The following ZNF438 variants were observed in gnomAD, a reference collection of about 807,000 sequenced individuals.
The protein encoded by ZNF438 is zinc finger protein 438.
In ZNF438, 25 loss-of-function variants were observed where a neutral mutation model predicts 38.0. The ratio of observed to expected loss-of-function variants is 0.66; its 90% CI spans 0.48 to 0.92. The LOEUF (loss-of-function observed/expected upper bound fraction) is 0.92. Ranked by LOEUF, ZNF438 falls within the 40% of genes least tolerant of loss-of-function variation. The probability of loss-of-function intolerance (pLI) is 0.00; values close to 1 mark genes in which losing one functional copy is unlikely to be tolerated. For synonymous variants in ZNF438, 372 were observed against 364.1 expected (o/e 1.02, Z -0.25); for missense variants, 1,007 against 999.6 (o/e 1.01, Z -0.10).
chr10:30,997,872 C>G (rs1016152818), intron 1 of ZNF438, among the ~76,000 whole-genome samples: 9 of 152,122 alleles, frequency 5.9e-5, no homozygotes, highest in Admixed American at 5.9e-4. Flanking sequence ...AGTCTGAAGA[C>G]AAAAGCCAAC....
At chr10:30,945,902 C>T (rs1202228955) in intron 1 of ZNF438, among the ~76,000 whole-genome samples, 2 of 111,804 alleles carry the variant, frequency 1.8e-5, no homozygotes, top group Non-Finnish European at 3.6e-5. Flanking sequence ...ATTTATAGTC[C>T]TTTGGGTATA....
At chr10:30,949,460 T>C (rs1468719993) in intron 1 of ZNF438, among the ~76,000 whole-genome samples, 1 of 152,200 alleles carries the variant, frequency 6.6e-6, no homozygotes, top group East Asian at 1.9e-4. Context: ...ACTGGCAAAT[T>C]GGACAAAGGG....
intron 1 of ZNF438, among the ~76,000 whole-genome samples, chr10:31,020,151 A>G (rs1181494114): frequency 6.6e-6 from 1 of 152,234 alleles, no homozygotes; most frequent in Admixed American, 6.5e-5. Flanking sequence ...GATAACAAGA[A>G]TAATGCTAGT....
rs781748518 is a variant in ZNF438, at chr10:30,877,068, A to G, written c.-31-3T>C. ...ACTGGACTTGAATAGTATCTTTCCT[A>G]AAAATAAGCAAGCACAAATAAGTAT... On this transcript the variant is annotated splice_polypyrimidine_tract_variant and splice_region_variant and intron_variant, in intron 3 of 5. Transcript: ENST00000413025. The G allele has an allele frequency of 2.6e-6, 4 of 1,558,560 alleles. No individual in the cohort carries two copies. In the South Asian group the frequency reaches 4.8e-5, roughly 19 times the overall value.
chr10:30,948,008 C>T (rs931354219), intron 1 of ZNF438, among the ~76,000 whole-genome samples: 12 of 147,120 alleles, frequency 8.2e-5, no homozygotes, highest in Admixed American at 1.4e-4. Context: ...TAGACCGGAG[C>T]TGTTCCTATT....
In ZNF438 at chr10:31,031,819, C is replaced by T. The variant is rs1442624927; in HGVS notation, c.-192+14G>A. 6.5e-6 allele frequency: 1 copy of T among 152,980 alleles called. No individual in the cohort carries two copies. The highest frequency in any genetic ancestry group is 1.9e-4 in the East Asian group (1 of 5,184). 9.5% of individuals were successfully genotyped at this position (152,980 alleles called of 1,614,324 possible). A position where few individuals can be genotyped will look rare whatever the true frequency, so the allele number is the denominator to read the frequency against. On this transcript the variant is annotated intron_variant, in intron 1 of 5. Transcript: ENST00000413025. ...CGCAAGCCCTAGGAGCTGCAGGAAT[C>T]CTCGTAAACTTACAGTTTTCCTACA...
chr10:31,024,552 C>A (rs1169494701), intron 1 of ZNF438, among the ~76,000 whole-genome samples: 1 of 151,960 alleles, frequency 6.6e-6, no homozygotes, highest in African/African-American at 2.4e-5. Context: ...GGCGTGAACC[C>A]GGGAGGCGGA....
At chr10:30,877,833 T>C (rs1349156608) in intron 3 of ZNF438, among the ~76,000 whole-genome samples, 2 of 152,198 alleles carry the variant, frequency 1.3e-5, no homozygotes, top group African/African-American at 4.8e-5. Flanking sequence ...TTCCTAAGCA[T>C]GACACCAAGT....
chr10:30,937,766 C>T (rs926208159), intron 2 of ZNF438, among the ~76,000 whole-genome samples: 1 of 152,216 alleles, frequency 6.6e-6, no homozygotes, highest in African/African-American at 2.4e-5. Flanking sequence ...ACGACCACTG[C>T]TCTAATTCAA....
chr10:30,934,070 C>T (rs1010942063), intron 2 of ZNF438, among the ~76,000 whole-genome samples: 12 of 151,292 alleles, frequency 7.9e-5, no homozygotes, highest in East Asian at 3.9e-4. Flanking sequence ...GGTGTGAACC[C>T]GGGAGGCGGA....
In ZNF438 at chr10:30,888,040, A is replaced by G. The variant is rs74756025; in HGVS notation, c.-31-10975T>C. 4.5e-4 allele frequency among the ~76,000 whole-genome samples: 69 copies of G among 152,268 alleles called. 1 individual carries two copies. In the East Asian group the frequency reaches 0.013, roughly 29 times the overall value. On this transcript the variant is annotated intron_variant, in intron 3 of 5. Coordinates refer to ENST00000413025, the Ensembl canonical transcript of ZNF438. The stretch of plus-strand genomic sequence containing the variant: ...ATTTTTAATCCATTAACTGATATGC[A>G]TTTGAGTTGCTGCCAGTTTTTGGTT...
intron 1 of ZNF438, among the ~76,000 whole-genome samples, chr10:31,021,571 CT>C (rs2056597182): frequency 6.6e-6 from 1 of 150,502 alleles, no homozygotes; most frequent in Non-Finnish European, 1.5e-5. Flanking sequence ...ATGGACATTT[CT>C]CACTTTGTTT....
intron 1 of ZNF438, among the ~76,000 whole-genome samples, chr10:30,964,366 A>C (rs2049885929): frequency 6.6e-6 from 1 of 152,204 alleles, no homozygotes; most frequent in South Asian, 2.1e-4. Flanking sequence ...ATTCTTGTCC[A>C]TGCCTCTCAC....
chr10:30,997,632 A>G (rs1433005215), intron 1 of ZNF438, among the ~76,000 whole-genome samples: 9 of 151,670 alleles, frequency 5.9e-5, no homozygotes, highest in Admixed American at 5.9e-4. Flanking sequence ...TGACTAGTCT[A>G]AGCCAAACAC....
intron 3 of ZNF438, among the ~76,000 whole-genome samples, chr10:30,887,487 C>CA (rs200450177): frequency 0.13 from 19,086 of 152,172 alleles, 1,595 homozygotes; most frequent in Middle Eastern, 0.24. Context: ...CTCCCGGGTT[C>CA]AAGCGATTCT....
At position 31,001,253 on chromosome 10, in the gene ZNF438, A is replaced by T. The variant is rs76377838; in HGVS notation, c.-192+30580T>A. On this transcript the variant is annotated intron_variant, in intron 1 of 5. Coordinates refer to ENST00000413025, the Ensembl canonical transcript of ZNF438. ...ACAACTACCATTTATATTTGACATT[A>T]TTAAAAGCTGTAGAACTCATCGCTG... Among the ~76,000 whole-genome samples the T allele has an allele frequency of 5.6e-3, 846 of 152,378 alleles. 13 individuals carry two copies. The highest frequency in any genetic ancestry group is 0.02 in the African/African-American group (812 of 41,582).
At chr10:31,010,789 T>C (rs946552767) in intron 1 of ZNF438, among the ~76,000 whole-genome samples, 1 of 149,588 alleles carries the variant, frequency 6.7e-6, no homozygotes, top group Admixed American at 6.7e-5. Context: ...CTTTCTTGCA[T>C]GACTGAGGCA....
intron 1 of ZNF438, among the ~76,000 whole-genome samples, chr10:31,015,304 C>T (rs754813253): frequency 9.2e-5 from 14 of 152,014 alleles, no homozygotes; most frequent in South Asian, 2.1e-4. Flanking sequence ...TATTCTAGAT[C>T]GAGTCCTACG....
At chr10:30,903,215 C>T (rs1216278159) in intron 3 of ZNF438, among the ~76,000 whole-genome samples, 2 of 152,212 alleles carry the variant, frequency 1.3e-5, no homozygotes, top group Non-Finnish European at 2.9e-5. Context: ...GGAGCCGGCT[C>T]CGGACTCAGC....
Sources: allele counts gnomAD v4.1 joint callset (sites outside exome capture counted in the v4.1 genomes callset), GRCh38; gene constraint gnomAD v4.1.1; transcripts MANE v1.5; gene names NCBI Gene and HGNC (gene_info 2026-07-23, HGNC 2026-07-21).